ATP8A2: variants seen among roughly 807,000 people sequenced by gnomAD.
The protein encoded by ATP8A2 is phospholipid-transporting ATPase IB.
Under a neutral mutation model 165.6 loss-of-function variants are expected in ATP8A2, and 100 were observed. The observed-to-expected ratio is 0.60, with a 90% CI of 0.51 to 0.71. ATP8A2 has a LOEUF of 0.71. ATP8A2 is among the 30% of genes least tolerant of loss of function. The probability of loss-of-function intolerance (pLI) is 0.00; values close to 1 mark genes in which losing one functional copy is unlikely to be tolerated. For missense variants in ATP8A2, 1,227 were observed against 1,479.5 expected (o/e 0.83, Z 2.80); for synonymous variants, 543 against 548.8 (o/e 0.99, Z 0.15).
In ATP8A2 at chr13:25,540,338, T is replaced by A. The variant is rs779108308; in HGVS notation, c.601T>A (p.Tyr201Asn). The part of the protein sequence containing the change: ...LSSSEPQAMC[Y>N]VETANLDGET... ...CCTTAGTGAACCTCAGGCAATGTGT[T>A]ATGTTGAAACAGCTAATCTGGATGG... The change falls in exon 8 of 37, where the codon TAT (tyrosine) becomes AAT (asparagine). Residue 201 changes from tyrosine (Y) to asparagine (N), a missense_variant. By Grantham distance (143) the Tyr-to-Asn change is moderately radical (BLOSUM62 -2). Coordinates refer to ENST00000381655, the MANE Select transcript of ATP8A2 (RefSeq NM_016529.6). 1 of 1,614,002 alleles carries A rather than the reference T, an allele frequency of 6.2e-7. No homozygotes were observed. Among genetic ancestry groups the A allele is most frequent in the Non-Finnish European group, 8.5e-7 (1 of 1,179,854 alleles).
At chr13:25,777,178 T>C (rs1306350670) in intron 27 of ATP8A2, among the ~76,000 whole-genome samples, 2 of 152,302 alleles carry the variant, frequency 1.3e-5, no homozygotes, top group African/African-American at 4.8e-5. Flanking sequence ...AATGTTAAAG[T>C]CTGCACCACT....
intron 24 of ATP8A2, among the ~76,000 whole-genome samples, chr13:25,683,780 T>C (rs1206914610): frequency 6.6e-6 from 1 of 152,038 alleles, no homozygotes; most frequent in African/African-American, 2.4e-5. Flanking sequence ...TACAGTGGTG[T>C]CTTGTTTGGA....
intron 2 of ATP8A2, among the ~76,000 whole-genome samples, chr13:25,485,464 G>T (rs1257743330): frequency 6.6e-6 from 1 of 152,236 alleles, no homozygotes; most frequent in Non-Finnish European, 1.5e-5. Context: ...ATCTAAATGT[G>T]TACACACATA....
chr13:25,984,236 C>CAAA (rs34808241), intron 35 of ATP8A2, among the ~76,000 whole-genome samples: 1 of 144,768 alleles, frequency 6.9e-6, no homozygotes, highest in Non-Finnish European at 1.5e-5. Flanking sequence ...GAAACCGTCT[C>CAAA]AAAAAAAAAA....
At chr13:25,424,012 G>A (rs1477040703) in intron 1 of ATP8A2, among the ~76,000 whole-genome samples, 1 of 152,168 alleles carries the variant, frequency 6.6e-6, no homozygotes, top group African/African-American at 2.4e-5. Context: ...ATTTCTCCAG[G>A]TGGCAGATGG....
At position 25,435,948 on chromosome 13, in the gene ATP8A2, T is replaced by A. The variant is rs56000614; in HGVS notation, c.77-33029T>A. ...GTGTGTGTGAGTGTGTGTGTGTGTG[T>A]GTGAGTGTGTGTGTGTGTGTGTGTA... On this transcript the variant is annotated intron_variant, in intron 1 of 36. Coordinates refer to ENST00000381655, the MANE Select transcript of ATP8A2 (RefSeq NM_016529.6). Among the ~76,000 whole-genome samples, 344 of 65,768 alleles carry A rather than the reference T, an allele frequency of 5.2e-3. 2 individuals are homozygous for A. Among genetic ancestry groups the A allele is most frequent in the African/African-American group, 0.02 (305 of 15,436 alleles). The allele number at this position is 65,768 out of a possible 152,430, so 43.1% of individuals were successfully genotyped here.
chr13:25,462,045 C>T (rs1210606570), intron 1 of ATP8A2, among the ~76,000 whole-genome samples: 1 of 152,202 alleles, frequency 6.6e-6, no homozygotes, highest in Non-Finnish European at 1.5e-5. Context: ...CCTAAGCTCA[C>T]AAGAAGCAAC....
chr13:25,646,603 C>G (rs2041677700), intron 24 of ATP8A2, among the ~76,000 whole-genome samples: 1 of 132,268 alleles, frequency 7.6e-6, no homozygotes, highest in Non-Finnish European at 1.5e-5. Context: ...TGCAGTGAGC[C>G]AAGATCGTGC....
intron 30 of ATP8A2, among the ~76,000 whole-genome samples, chr13:25,854,882 C>T (rs889505741): frequency 2.0e-5 from 3 of 152,166 alleles, no homozygotes; most frequent in African/African-American, 7.2e-5. Context: ...AATATATTCA[C>T]AGAGTTGTAC....
chr13:25,485,277 G>T (rs1285875483), intron 2 of ATP8A2, among the ~76,000 whole-genome samples: 1 of 152,218 alleles, frequency 6.6e-6, no homozygotes, highest in Non-Finnish European at 1.5e-5. Context: ...TTTAAGTACA[G>T]GATAGTGCGT....
intron 24 of ATP8A2, among the ~76,000 whole-genome samples, chr13:25,597,469 G>A (rs897499377): frequency 6.6e-6 from 1 of 152,248 alleles, no homozygotes; most frequent in African/African-American, 2.4e-5. Context: ...AACTGGCTAT[G>A]TTGTGAGAAG....
At chr13:25,479,089 G>A (rs2036081294) in intron 2 of ATP8A2, among the ~76,000 whole-genome samples, 1 of 152,078 alleles carries the variant, frequency 6.6e-6, no homozygotes. Context: ...CCCATGATCT[G>A]CCCTCCTCGG....
intron 34 of ATP8A2, among the ~76,000 whole-genome samples, chr13:25,965,822 A>G (rs1209512836): frequency 6.6e-6 from 1 of 152,174 alleles, no homozygotes; most frequent in East Asian, 1.9e-4. Context: ...TTTCCTTATT[A>G]TAATCCCAGA....
At chr13:25,528,932 T>G (rs1309759187) in intron 2 of ATP8A2, among the ~76,000 whole-genome samples, 1 of 152,006 alleles carries the variant, frequency 6.6e-6, no homozygotes, top group Admixed American at 6.6e-5. Context: ...ACCCATTAAC[T>G]CATCATTTAT....
intron 27 of ATP8A2, 93 bp from the exon 28 acceptor site, chr13:25,828,025 A>T (rs1402123725): frequency 1.0e-6 from 1 of 954,358 alleles, no homozygotes; most frequent in Non-Finnish European, 1.7e-6. Context: ...AGCTGTGTCC[A>T]GCTGGTGGTC....
chr13:25,657,777 A>C (rs2041965610), intron 24 of ATP8A2, among the ~76,000 whole-genome samples: 1 of 152,248 alleles, frequency 6.6e-6, no homozygotes, highest in African/African-American at 2.4e-5. Flanking sequence ...GACTTTGGTC[A>C]TTCAGGAAAT....
At chr13:25,990,539 C>T (rs1956370100) in intron 35 of ATP8A2, among the ~76,000 whole-genome samples, 1 of 152,116 alleles carries the variant, frequency 6.6e-6, no homozygotes, top group Non-Finnish European at 1.5e-5. Context: ...CCAGAGTGAT[C>T]CAGGAACTTG....
At chr13:25,395,628 T>C (rs534440721) in intron 1 of ATP8A2, among the ~76,000 whole-genome samples, 1 of 152,158 alleles carries the variant, frequency 6.6e-6, no homozygotes, top group Admixed American at 6.5e-5. Flanking sequence ...CTTGAACTCC[T>C]GGGCTCAAAC....
intron 4 of ATP8A2, among the ~76,000 whole-genome samples, chr13:25,531,150 A>ATATATATGT (rs371053826): frequency 0.059 from 8,344 of 140,276 alleles, 379 homozygotes; most frequent in South Asian, 0.13. Context: ...TATATATGTT[A>ATATATATGT]TATATATGAT....
Sources: gnomAD v4.1 joint callset for allele counts (sites outside exome capture counted in the v4.1 genomes callset) on GRCh38, gnomAD v4.1.1 for gene constraint, MANE v1.5 for transcripts, NCBI Gene and HGNC (gene_info 2026-07-23, HGNC 2026-07-21) for gene names.